MACF1: variants seen among roughly 807,000 people sequenced by gnomAD.
MACF1 encodes microtubule-actin cross-linking factor 1.
A neutral mutation model predicts 854.8 loss-of-function variants in MACF1; 193 were observed. The observed-to-expected ratio is 0.23, with a 90% CI of 0.20 to 0.25. The LOEUF is 0.25. Among genes scored for constraint, MACF1 ranks in the 10% least tolerant of loss-of-function variants. The pLI is 1.00. For synonymous variants in MACF1, 3,185 were observed against 3,226.7 expected (o/e 0.99, Z 0.44); for missense variants, 7,722 against 8,929.1 (o/e 0.86, Z 5.45).
chr1:39,209,655 A>C (rs1295391182), intron 1 of MACF1, among the ~76,000 whole-genome samples: 2 of 152,038 alleles, frequency 1.3e-5, no homozygotes, highest in Non-Finnish European at 2.9e-5. Context: ...TATTTAAAGC[A>C]GTTCCCTTTA....
At position 39,334,919 on chromosome 1, in the gene MACF1, A is replaced by G; in HGVS notation, c.8331A>G (p.Glu2777=). Residue 2777 remains glutamate (E), a synonymous_variant, in exon 37 of 101, where the codon GAA becomes GAG. Transcript: ENST00000564288. The part of the protein sequence containing the change: ...SDHRAQIEKQ[E]GIEVCALQNE... ...ACAGGGCTCAGATTGAAAAGCAAGA[A>G]GGGATTGAAGTGTGTGCATTACAAA... 6.2e-7 allele frequency: 1 copy of G among 1,614,204 alleles called. No individual in the cohort carries two copies. Among genetic ancestry groups the G allele is most frequent in the Non-Finnish European group, 8.5e-7 (1 of 1,180,026 alleles).
In MACF1 at chr1:39,300,281, T is replaced by C. The variant is rs1646012391; in HGVS notation, c.2553T>C (p.Val851=). The change falls in exon 22 of 101, where the codon GTT becomes GTC. Residue 851 remains valine, a synonymous_variant. Transcript: ENST00000564288. Reference sequence around the variant, plus strand: ...TCGTTGGGAGATCAAAAACCATCGTTCAGCTAAAACCACGCAGTCCAGACC... The same window carrying C: ...TCGTTGGGAGATCAAAAACCATCGTCCAGCTAAAACCACGCAGTCCAGACC... ...ASLVGRSKTI[V]QLKPRSPDHV... 6.2e-7 allele frequency: 1 copy of C among 1,613,906 alleles called. No individual in the cohort carries two copies. The highest frequency in any genetic ancestry group is 8.5e-7 in the Non-Finnish European group (1 of 1,180,018).
At chr1:39,372,651 C>G (rs745389413) in intron 52 of MACF1, 55 bp downstream of exon 52, 6 of 1,133,542 alleles carry the variant, frequency 5.3e-6, no homozygotes, top group Non-Finnish European at 8.0e-6. Context: ...TGCTTTTGGC[C>G]TTTGGAGATG....
At chr1:39,243,724 C>T (rs993771831) in intron 2 of MACF1, among the ~76,000 whole-genome samples, 3 of 152,122 alleles carry the variant, frequency 2.0e-5, no homozygotes, top group African/African-American at 7.2e-5. Context: ...GATGCTTAGT[C>T]CACTGGTCAT....
intron 62 of MACF1, 75 bp downstream of exon 62, chr1:39,427,689 C>G: frequency 7.0e-7 from 1 of 1,425,756 alleles, no homozygotes; most frequent in Non-Finnish European, 9.6e-7. Context: ...CTGCCTGCAG[C>G]ATTCTAGAGG....
chr1:39,303,943 T>C (rs970039365), intron 23 of MACF1, among the ~76,000 whole-genome samples: 13 of 151,626 alleles, frequency 8.6e-5, no homozygotes, highest in Non-Finnish European at 1.9e-4. Context: ...AAAAGAGATA[T>C]GGAAATTATT....
At chr1:39,350,741 C>T (rs1477137611) in intron 42 of MACF1, 44 bp from the exon 43 acceptor site, 1 of 1,410,886 alleles carries the variant, frequency 7.1e-7, no homozygotes. Flanking sequence ...GACTTAGAAG[C>T]ACTAAAGTCG....
chr1:39,341,494 A>G (rs77614890), intron 40 of MACF1, among the ~76,000 whole-genome samples: 1 of 150,238 alleles, frequency 6.7e-6, no homozygotes, highest in African/African-American at 2.4e-5. Context: ...TCAGGAGTTC[A>G]ACACCAGCCT....
chr1:39,195,894 G>A (rs1468099668), intron 2 of MACF1, among the ~76,000 whole-genome samples: 1 of 152,180 alleles, frequency 6.6e-6, no homozygotes, highest in East Asian at 1.9e-4. Context: ...ACTGAGATTA[G>A]ACAGATTAGG....
rs560341417 is a variant in MACF1, at chr1:39,146,027, T to C, written c.220+61589T>C. Among the ~76,000 whole-genome samples, 6 of 152,342 alleles carry C rather than the reference T, an allele frequency of 3.9e-5. No homozygotes were observed. In the South Asian group the frequency reaches 1.2e-3, roughly 32 times the overall value. On this transcript the variant is annotated intron_variant, in intron 2 of 93. Coordinates refer to the MACF1 transcript ENST00000361689. ...CCAGTAACCCCACTCCTTAGGTTTA[T>C]ACCCAAAAGAAAGGAAATCAGTATA...
intron 2 of MACF1, among the ~76,000 whole-genome samples, chr1:39,196,971 A>G (rs771685717): frequency 9.2e-5 from 14 of 152,166 alleles, no homozygotes; most frequent in Non-Finnish European, 1.8e-4. Context: ...GGCTTCTTTC[A>G]TGGTTTGGGG....
Position 39,333,151 on chromosome 1 carries a change from G to A in MACF1, c.6563G>A (p.Gly2188Glu). 1.2e-6 allele frequency: 2 copies of A among 1,613,960 alleles called. No homozygotes were observed. Among genetic ancestry groups the A allele is most frequent in the Non-Finnish European group, 1.7e-6 (2 of 1,180,030 alleles). Residue 2188 changes from glycine (G) to glutamate (E), a missense_variant, in exon 37 of 101, where the codon GGA becomes GAA. Around this residue, in one of 15 missense-constraint regions of MACF1, gnomAD observed 1,531 missense variants for 1,601.6 expected, o/e 0.96. Transcript: ENST00000564288. Reference sequence around the variant, plus strand: ...ACTGAATATATTCATGATGAAACTGGAGGATCTCACATAAAACCCCAAAGC... The same window carrying A: ...ACTGAATATATTCATGATGAAACTGAAGGATCTCACATAAAACCCCAAAGC... ...LETEYIHDET[G>E]GSHIKPQSKK...
At chr1:39,440,633 A>G (rs1193835789) in intron 72 of MACF1, among the ~76,000 whole-genome samples, 1 of 151,648 alleles carries the variant, frequency 6.6e-6, no homozygotes, top group Admixed American at 6.6e-5. Context: ...CTTCTGTTAT[A>G]CTCTATTGTC....
intron 2 of MACF1, among the ~76,000 whole-genome samples, chr1:39,193,780 AAGAGAGAGAGGG>A (rs1214605675): frequency 1.3e-5 from 2 of 151,674 alleles, no homozygotes; most frequent in Non-Finnish European, 2.9e-5. Flanking sequence ...CAGCCCTGGT[AAGAGAGAGAGGG>A]AGAGAGAGAG....
chr1:39,461,995 T>G lies in MACF1; in HGVS notation c.21636T>G (p.Asp7212Glu), dbSNP rs992075490. ...EFVAALHPNK[D>E]AYRPTTDADK... is the part of the protein sequence containing the mutation. ...TGGCTGCTCTTCATCCCAACAAGGA[T>G]GCGTATCGACCAACAACCGATGCAG... Residue 7212 changes from aspartate (D) to glutamate (E), a missense_variant, in exon 93 of 101, where the codon GAT (aspartate) becomes GAG (glutamate). Physicochemically the swap from Asp to Glu is conservative, Grantham distance 45. Around this residue, in one of 15 missense-constraint regions of MACF1, gnomAD observed 153 missense variants for 342.5 expected, o/e 0.45. Coordinates refer to ENST00000564288, the MANE Select transcript of MACF1 (RefSeq NM_001394062.1). The G allele has an allele frequency of 5.6e-6, 9 of 1,613,878 alleles. No individual in the cohort carries two copies. The highest frequency in any genetic ancestry group is 6.8e-6 in the Non-Finnish European group (8 of 1,179,982).
rs1300632114 is a variant in MACF1 at position 39,357,852 on chromosome 1, T to C, written c.11902T>C (p.Leu3968=). Residue 3968 remains leucine, a synonymous_variant, in exon 45 of 101, where the codon TTG becomes CTG. Coordinates refer to ENST00000564288, the MANE Select transcript of MACF1 (RefSeq NM_001394062.1). The part of the protein sequence containing the change: ...SEIGNLVKDK[L]KDATERYTAL... ...AATTGGAAACTTAGTAAAGGACAAG[T>C]TGAAGGATGCAACAGAAAGATACAC... The C allele has an allele frequency of 6.2e-7, 1 of 1,613,942 alleles. No individual in the cohort carries two copies.
In MACF1 at chr1:39,434,594, G is replaced by A; in HGVS notation, c.17746G>A (p.Asp5916Asn). Residue 5916 changes from aspartate to asparagine, a missense_variant, in exon 69 of 101, where the codon GAT becomes AAT. Coordinates refer to ENST00000564288, the MANE Select transcript of MACF1 (RefSeq NM_001394062.1). ...LIAQLPSPAI[D>N]HEQLRQQQEE... ...AGCACAGTTACCCTCTCCAGCCATT[G>A]ATCATGAGCAGCTCAGGCAGCAACA... 1 of 1,614,112 alleles carries A rather than the reference G, an allele frequency of 6.2e-7. No homozygotes were observed. The highest frequency in any genetic ancestry group is 8.5e-7 in the Non-Finnish European group (1 of 1,180,014).
Position 39,297,835 on chromosome 1 carries a change from G to T in MACF1, c.2481+90G>T, listed in dbSNP as rs149789827. The T allele has an allele frequency of 1.0e-3, 1,450 of 1,449,274 alleles. 18 individuals are homozygous for T. In the African/African-American group the frequency reaches 0.018, roughly 18 times the overall value. 89.8% of individuals were successfully genotyped at this position (1,449,274 alleles called of 1,614,324 possible). The stretch of plus-strand genomic sequence containing the variant: ...TGTTTATATCCTTGAAAGCTCCAGG[G>T]CAATGGGCCATTGTTGTAATAAAGT... On this transcript the variant is annotated intron_variant, in intron 21 of 100. Coordinates refer to ENST00000564288, the MANE Select transcript of MACF1 (RefSeq NM_001394062.1).
chr1:39,277,891 T>G (rs1383200780), intron 6 of MACF1, among the ~76,000 whole-genome samples: 1 of 152,204 alleles, frequency 6.6e-6, no homozygotes, highest in African/African-American at 2.4e-5. Flanking sequence ...ACAGTATAAG[T>G]AAGTGGTGTG....
Sources: allele counts gnomAD v4.1 joint callset (sites outside exome capture counted in the v4.1 genomes callset), GRCh38; gene constraint gnomAD v4.1.1; regional missense constraint gnomAD v4.1.1; transcripts MANE v1.5; gene names NCBI Gene and HGNC (gene_info 2026-07-23, HGNC 2026-07-21).